RAB12: variants seen among roughly 807,000 people sequenced by gnomAD.
RAB12 encodes the protein RAB12, member RAS oncogene family, also known as ras-related protein Rab-12.
RAB12 carries 11 observed loss-of-function variants against 28.4 expected under a neutral mutation model. The ratio of observed to expected loss-of-function variants is 0.39; its 90% CI spans 0.24 to 0.64. RAB12 has a LOEUF of 0.64. Among genes scored for constraint, RAB12 ranks in the 30% least tolerant of loss-of-function variants. The probability of loss-of-function intolerance (pLI) is 0.50; values close to 1 mark genes in which losing one functional copy is unlikely to be tolerated. For missense variants in RAB12, 276 were observed against 351.1 expected (o/e 0.79, Z 1.71); for synonymous variants, 138 against 145.3 (o/e 0.95, Z 0.36).
At chr18:8,618,606 T>C (rs949273936) in intron 1 of RAB12, among the ~76,000 whole-genome samples, 2 of 151,776 alleles carry the variant, frequency 1.3e-5, no homozygotes, top group African/African-American at 4.8e-5. Flanking sequence ...GCCTCCCGGG[T>C]TCACGCCGTT....
chr18:8,610,704 C>T (rs1162520249), intron 1 of RAB12, among the ~76,000 whole-genome samples: 1 of 152,178 alleles, frequency 6.6e-6, no homozygotes, highest in African/African-American at 2.4e-5. Context: ...GAGGACTTGA[C>T]ATTGAGATTT....
At chr18:8,621,756 T>G (rs1310211627) in intron 1 of RAB12, among the ~76,000 whole-genome samples, 1 of 152,156 alleles carries the variant, frequency 6.6e-6, no homozygotes, top group Non-Finnish European at 1.5e-5. Flanking sequence ...AGTTTTTCAG[T>G]CCTCTCCTTC....
In RAB12 at chr18:8,618,596, G is replaced by A. The variant is rs570655699; in HGVS notation, c.515-6342G>A. 6.6e-5 allele frequency among the ~76,000 whole-genome samples: 10 copies of A among 151,378 alleles called. No individual in the cohort carries two copies. In the East Asian group the frequency reaches 1.2e-3, roughly 18 times the overall value. ...GCGATATTGGCTCACTGCAAGCTCC[G>A]CCTCCCGGGTTCACGCCGTTCTCCT... On this transcript the variant is annotated intron_variant, in intron 1 of 5. Coordinates refer to ENST00000649141, the MANE Select transcript of RAB12 (RefSeq NM_001025300.3).
At chr18:8,610,091 C>T (rs769699727) in intron 1 of RAB12, 138 bp downstream of exon 1, 38 of 627,508 alleles carry the variant, frequency 6.1e-5, no homozygotes, top group African/African-American at 6.0e-4. Context: ...GCGGGGGTCT[C>T]CTTGGAGCGC....
intron 1 of RAB12, among the ~76,000 whole-genome samples, chr18:8,620,419 G>A (rs2096009265): frequency 6.6e-6 from 1 of 152,100 alleles, no homozygotes; most frequent in African/African-American, 2.4e-5. Flanking sequence ...GGGAGAGGCT[G>A]TGAGCAAGGA....
chr18:8,635,641 C>T lies in RAB12; in HGVS notation c.804+19C>T, dbSNP rs372669182. ...GGAAAAGGTGAGAGGGCGTGGGAGG[C>T]ACGGTTGCCACACACTGTGCTTAGC... On this transcript the variant is annotated intron_variant, in intron 4 of 5. Coordinates refer to ENST00000649141, the MANE Select transcript of RAB12 (RefSeq NM_001025300.3). 45 of 1,535,356 alleles carry T rather than the reference C, an allele frequency of 2.9e-5. No individual in the cohort carries two copies. Among genetic ancestry groups the T allele is most frequent in the Middle Eastern group, 1.7e-4 (1 of 5,944 alleles).
chr18:8,632,139 A>T (rs2096016308), intron 2 of RAB12, among the ~76,000 whole-genome samples: 1 of 152,052 alleles, frequency 6.6e-6, no homozygotes, highest in African/African-American at 2.4e-5. Flanking sequence ...TTAGCCAGGC[A>T]TGGTGGCGCA....
chr18:8,617,121 A>G (rs2096007123), intron 1 of RAB12, among the ~76,000 whole-genome samples: 2 of 152,202 alleles, frequency 1.3e-5, no homozygotes, highest in Non-Finnish European at 2.9e-5. Context: ...ACAAAGTGGG[A>G]TTTACACTTT....
chr18:8,612,414 C>T (rs893757559), intron 1 of RAB12, among the ~76,000 whole-genome samples: 2 of 152,194 alleles, frequency 1.3e-5, no homozygotes, highest in Non-Finnish European at 2.9e-5. Flanking sequence ...GGGGTTCTTC[C>T]CAGGCTGGTT....
chr18:8,635,720 A>G, intron 4 of RAB12, 98 bp downstream of exon 4: 1 of 746,704 alleles, frequency 1.3e-6, no homozygotes. Context: ...TTACAAAGAA[A>G]TTATCAATAC....
At chr18:8,627,684 G>C (rs932896255) in intron 2 of RAB12, among the ~76,000 whole-genome samples, 1 of 152,180 alleles carries the variant, frequency 6.6e-6, no homozygotes, top group Admixed American at 6.5e-5. Flanking sequence ...TGTTGAAATG[G>C]ACTTGAAGCC....
intron 1 of RAB12, among the ~76,000 whole-genome samples, chr18:8,621,895 C>A (rs1182733002): frequency 1.1e-4 from 16 of 152,180 alleles, no homozygotes; most frequent in Admixed American, 1.0e-3. Context: ...CCTATTAGAA[C>A]TAATAATGTG....
chr18:8,627,966 G>C (rs1325875594), intron 2 of RAB12, among the ~76,000 whole-genome samples: 1 of 152,132 alleles, frequency 6.6e-6, no homozygotes, highest in Non-Finnish European at 1.5e-5. Context: ...AAGCGTTGTT[G>C]TATCACCAAA....
chr18:8,628,841 A>G (rs2096014303), intron 2 of RAB12, among the ~76,000 whole-genome samples: 1 of 152,152 alleles, frequency 6.6e-6, no homozygotes. Flanking sequence ...TTGTGCCTCC[A>G]GTTTCTGGAT....
chr18:8,628,436 G>T (rs1044580814), intron 2 of RAB12, among the ~76,000 whole-genome samples: 1 of 152,212 alleles, frequency 6.6e-6, no homozygotes, highest in Non-Finnish European at 1.5e-5. Flanking sequence ...TATTTTGGGA[G>T]TGTGGAATCG....
At chr18:8,610,152 C>T in intron 1 of RAB12, 199 bp downstream of exon 1, 1 of 493,154 alleles carries the variant, frequency 2.0e-6, no homozygotes, top group Non-Finnish European at 3.6e-6. Flanking sequence ...CGCCTCCGGG[C>T]AGACCTGCCC....
At chr18:8,633,568 G>C (rs1484405508) in intron 3 of RAB12, among the ~76,000 whole-genome samples, 1 of 152,118 alleles carries the variant, frequency 6.6e-6, no homozygotes, top group African/African-American at 2.4e-5. Context: ...CAACTACAGA[G>C]GCCAAACATG....
chr18:8,609,527 G>T lies in RAB12; in HGVS notation c.88G>T (p.Asp30Tyr), dbSNP rs2096002392. ...CAGCGGCGGAGGAGGAGGAGGAGGG[G>T]ACCCGGGCGCAGAGAGCCGGCCGGC... ...GGSGGGGGGG[D>Y]PGAESRPAAQ... Residue 30 changes from aspartate to tyrosine, a missense_variant, in exon 1 of 6, where the codon GAC (aspartate) becomes TAC (tyrosine). By Grantham distance (160) the Asp-to-Tyr change is radical. This residue lies in a region of RAB12 where 72 missense variants were observed against 55.5 expected (regional missense o/e 1.30). Coordinates refer to ENST00000649141, the MANE Select transcript of RAB12 (RefSeq NM_001025300.3). 1 of 151,366 alleles carries T rather than the reference G, an allele frequency of 6.6e-6. No homozygotes were observed. The highest frequency in any genetic ancestry group is 1.8e-4 in the South Asian group (1 of 5,634). The allele number at this position is 151,366 out of a possible 1,614,324, so 9.4% of individuals were successfully genotyped here. A position where few individuals can be genotyped will look rare whatever the true frequency, so the allele number is the denominator to read the frequency against.
At chr18:8,615,449 G>A (rs904423615) in intron 1 of RAB12, among the ~76,000 whole-genome samples, 4 of 152,154 alleles carry the variant, frequency 2.6e-5, no homozygotes, top group Non-Finnish European at 5.9e-5. Context: ...CGATCTGCCC[G>A]TGTTTCACTT....
Sources: gnomAD v4.1 joint callset for allele counts (sites outside exome capture counted in the v4.1 genomes callset) on GRCh38, gnomAD v4.1.1 for gene constraint, gnomAD v4.1.1 regional missense constraint, MANE v1.5 for transcripts, NCBI Gene and HGNC (gene_info 2026-07-23, HGNC 2026-07-21) for gene names.